The following COL26A1 variants were observed in gnomAD, a reference collection of about 807,000 sequenced individuals.
The protein encoded by COL26A1 is collagen alpha-1(XXVI) chain.
Under a neutral mutation model 59.3 loss-of-function variants are expected in COL26A1, and 41 were observed. The ratio of observed to expected loss-of-function variants is 0.69; its 90% CI spans 0.54 to 0.90. The LOEUF (loss-of-function observed/expected upper bound fraction) is 0.90, where lower values mean the gene tolerates loss of function less well. Among genes scored for constraint, COL26A1 ranks in the 40% least tolerant of loss-of-function variants. COL26A1 has a pLI of 0.00. For synonymous variants in COL26A1, 266 were observed against 256.0 expected, an observed-to-expected ratio of 1.04 and a Z score of -0.37; for missense variants, 612 against 602.3, an observed-to-expected ratio of 1.02 and a Z score of -0.17.
At chr7:101,552,871 C>T (rs1795888648) in intron 10 of COL26A1, among the ~76,000 whole-genome samples, 1 of 152,190 alleles carries the variant, frequency 6.6e-6, no homozygotes, top group Non-Finnish European at 1.5e-5. Flanking sequence ...CACAACACTG[C>T]ACCCCAGCCT....
intron 2 of COL26A1, among the ~76,000 whole-genome samples, chr7:101,437,037 G>A (rs951147388): frequency 1.3e-5 from 2 of 152,148 alleles, no homozygotes; most frequent in African/African-American, 4.8e-5. Flanking sequence ...CACCCTGTTC[G>A]TTGAATGCTT....
chr7:101,557,504 G>C lies in COL26A1; in HGVS notation c.1300G>C (p.Val434Leu), dbSNP rs748839305. The change falls in exon 13 of 13, where the codon GTG (valine) becomes CTG (leucine). Residue 434 changes from valine to leucine, a missense_variant. Val to Leu is a conservative substitution (Grantham distance 32, BLOSUM62 1). Transcript: ENST00000313669. The stretch of plus-strand genomic sequence containing the variant: ...TGGGCCCGACCCTGGACAGAAGAGC[G>C]TGGACCAGGCCAGCAGCAGGAAGTG... ...LLGPDPGQKS[V>L]DQASSRK 6.2e-7 allele frequency: 1 copy of C among 1,611,898 alleles called. No individual in the cohort carries two copies. Among genetic ancestry groups the C allele is most frequent in the South Asian group, 1.1e-5 (1 of 90,976 alleles).
intron 1 of COL26A1, among the ~76,000 whole-genome samples, chr7:101,411,014 G>A (rs927545614): frequency 2.6e-5 from 4 of 152,172 alleles, no homozygotes; most frequent in Non-Finnish European, 5.9e-5. Context: ...GGTGTGGCCA[G>A]GTAATTAGAA....
At chr7:101,405,296 G>A (rs1792103489) in intron 1 of COL26A1, among the ~76,000 whole-genome samples, 2 of 151,320 alleles carry the variant, frequency 1.3e-5, no homozygotes, top group South Asian at 4.2e-4. Context: ...TATCTCTTCT[G>A]GTAAGGAAAG....
intron 1 of COL26A1, among the ~76,000 whole-genome samples, chr7:101,365,084 C>T (rs1026114925): frequency 6.6e-6 from 1 of 152,150 alleles, no homozygotes; most frequent in African/African-American, 2.4e-5. Context: ...AAAAGTGCCT[C>T]TGGAAAAGTT....
chr7:101,379,933 C>T (rs1421020956), intron 1 of COL26A1, among the ~76,000 whole-genome samples: 2 of 152,224 alleles, frequency 1.3e-5, no homozygotes, highest in Non-Finnish European at 2.9e-5. Context: ...GGGCAACCAG[C>T]GGCCCTTAGG....
At chr7:101,427,008 T>C (rs926599624) in intron 2 of COL26A1, among the ~76,000 whole-genome samples, 4 of 152,212 alleles carry the variant, frequency 2.6e-5, no homozygotes, top group African/African-American at 9.6e-5. Flanking sequence ...AGCATTTACA[T>C]AGAAATTTGC....
At chr7:101,527,262 C>G (rs1795266715) in intron 3 of COL26A1, among the ~76,000 whole-genome samples, 1 of 152,170 alleles carries the variant, frequency 6.6e-6, no homozygotes. Flanking sequence ...TGAGCCACCC[C>G]ACCTGGCCTG....
intron 3 of COL26A1, among the ~76,000 whole-genome samples, chr7:101,499,567 C>T (rs372454432): frequency 7.9e-5 from 12 of 152,076 alleles, no homozygotes; most frequent in Admixed American, 3.9e-4. Context: ...GCCTGTAATA[C>T]CAGCTATTCT....
At chr7:101,551,625 C>T (rs1795863611) in intron 10 of COL26A1, among the ~76,000 whole-genome samples, 1 of 152,052 alleles carries the variant, frequency 6.6e-6, no homozygotes, top group Admixed American at 6.6e-5. Context: ...TACGCATCTG[C>T]AGTCCCAGCC....
At chr7:101,374,030 C>A (rs1437022551) in intron 1 of COL26A1, among the ~76,000 whole-genome samples, 2 of 152,152 alleles carry the variant, frequency 1.3e-5, no homozygotes, top group African/African-American at 4.8e-5. Flanking sequence ...GCAACAATAA[C>A]TAACTGTTAG....
chr7:101,495,896 C>A (rs1204850260), intron 3 of COL26A1, among the ~76,000 whole-genome samples: 1 of 151,272 alleles, frequency 6.6e-6, no homozygotes, highest in Non-Finnish European at 1.5e-5. Context: ...GAATTTGAGA[C>A]CAGCTTGGGC....
Position 101,441,422 on chromosome 7 carries a change from G to T in COL26A1, c.282-6262G>T, listed in dbSNP as rs201863757. Among the ~76,000 whole-genome samples, 22 of 152,210 alleles carry T rather than the reference G, an allele frequency of 1.4e-4. No individual in the cohort carries two copies. In the East Asian group the frequency reaches 3.9e-3, roughly 27 times the overall value. ...TGTCTCCCAGGTTTAAGCGATTCTT[G>T]TGCCTCAGCCTCCTGAGTAGCTGGG... On this transcript the variant is annotated intron_variant, in intron 2 of 12. Coordinates refer to ENST00000313669, the MANE Select transcript of COL26A1 (RefSeq NM_001278563.3).
chr7:101,452,624 G>GC (rs1793370608), intron 3 of COL26A1, among the ~76,000 whole-genome samples: 1 of 152,092 alleles, frequency 6.6e-6, no homozygotes, highest in Non-Finnish European at 1.5e-5. Context: ...AGATGGTCTA[G>GC]CCTATTGCTC....
intron 3 of COL26A1, among the ~76,000 whole-genome samples, chr7:101,478,948 T>C (rs532863772): frequency 1.3e-5 from 2 of 152,356 alleles, no homozygotes; most frequent in East Asian, 1.9e-4. Context: ...TTGCCTCTCA[T>C]TGATTTTAAC....
intron 3 of COL26A1, among the ~76,000 whole-genome samples, chr7:101,464,166 A>G (rs1793700420): frequency 6.6e-6 from 1 of 152,086 alleles, no homozygotes; most frequent in African/African-American, 2.4e-5. Flanking sequence ...GGATCTTGCC[A>G]TGTTGCCCAG....
intron 1 of COL26A1, among the ~76,000 whole-genome samples, chr7:101,374,395 G>A (rs373349020): frequency 1.6e-4 from 24 of 152,290 alleles, no homozygotes; most frequent in African/African-American, 3.1e-4. Flanking sequence ...GACAAGTACC[G>A]GTTCAAGACC....
chr7:101,445,369 C>T (rs993352292), intron 2 of COL26A1, among the ~76,000 whole-genome samples: 4 of 151,906 alleles, frequency 2.6e-5, no homozygotes, highest in African/African-American at 7.3e-5. Context: ...AGCATGGTGC[C>T]GGCATCTCCT....
At chr7:101,406,597 C>T (rs1432227704) in intron 1 of COL26A1, among the ~76,000 whole-genome samples, 1 of 152,234 alleles carries the variant, frequency 6.6e-6, no homozygotes, top group Admixed American at 6.5e-5. Flanking sequence ...GCTTCTGCCT[C>T]TCCATCCTGC....
Sources: allele counts gnomAD v4.1 joint callset (sites outside exome capture counted in the v4.1 genomes callset), GRCh38; gene constraint gnomAD v4.1.1; transcripts MANE v1.5; gene names NCBI Gene and HGNC (gene_info 2026-07-23, HGNC 2026-07-21).